PCCA: variants seen among roughly 807,000 people sequenced by gnomAD.
PCCA encodes the protein propionyl-CoA carboxylase subunit alpha.
A neutral mutation model predicts 101.3 loss-of-function variants in PCCA; 74 were observed. The ratio of observed to expected loss-of-function variants is 0.73; its 90% confidence interval spans 0.61 to 0.89. The LOEUF (loss-of-function observed/expected upper bound fraction) is 0.89. Ranked by LOEUF, PCCA falls within the 40% of genes least tolerant of loss-of-function variation. PCCA has a pLI of 0.00. For missense variants in PCCA, 891 were observed against 907.0 expected, an observed-to-expected ratio of 0.98 and a Z score of 0.23; for synonymous variants, 294 against 313.6, an observed-to-expected ratio of 0.94 and a Z score of 0.66.
intron 1 of PCCA, among the ~76,000 whole-genome samples, chr13:100,095,086 T>C (rs1166932698): frequency 6.6e-6 from 1 of 152,200 alleles, no homozygotes; most frequent in African/African-American, 2.4e-5. Flanking sequence ...TTTGAGCTTC[T>C]GGTGGCTGCA....
At chr13:100,268,868 T>C in intron 11 of PCCA, 85 bp downstream of exon 11, 1 of 968,730 alleles carries the variant, frequency 1.0e-6, no homozygotes, top group African/African-American at 1.6e-5. Flanking sequence ...CACTGACGCA[T>C]GCATTCAGAG....
rs2066054338 is a variant in PCCA, at chr13:100,301,514, A to T, written c.1120A>T (p.Ile374Phe). The T allele has an allele frequency of 6.2e-7, 1 of 1,614,062 alleles. No individual in the cohort carries two copies. The highest frequency in any genetic ancestry group is 1.7e-5 in the Admixed American group (1 of 60,024). The change falls in exon 13 of 24, where the codon ATC becomes TTC. Residue 374 changes from isoleucine to phenylalanine, a missense_variant. By Grantham distance (21) the Ile-to-Phe change is conservative (BLOSUM62 0). Transcript: ENST00000376285. ...ITGLDLVQEMIRVAKGYPLRH... is the reference protein window; with the variant it reads ...ITGLDLVQEMFRVAKGYPLRH... The stretch of plus-strand genomic sequence containing the variant: ...TGGCCTGGACCTAGTCCAGGAAATG[A>T]TCCGTGTTGCTAAGGGCTACCCTCT...
At chr13:100,287,502 C>T (rs2064772301) in intron 12 of PCCA, among the ~76,000 whole-genome samples, 1 of 151,732 alleles carries the variant, frequency 6.6e-6, no homozygotes, top group South Asian at 2.1e-4. Context: ...TTATGAAAAA[C>T]ATTTATATTT....
intron 1 of PCCA, among the ~76,000 whole-genome samples, chr13:100,091,039 G>A (rs2046237512): frequency 6.6e-6 from 1 of 152,194 alleles, no homozygotes; most frequent in African/African-American, 2.4e-5. Flanking sequence ...AAGGTCCTGT[G>A]GCCAGAGGGA....
At chr13:100,201,294 C>T (rs2058471773) in intron 6 of PCCA, among the ~76,000 whole-genome samples, 1 of 152,092 alleles carries the variant, frequency 6.6e-6, no homozygotes, top group Non-Finnish European at 1.5e-5. Context: ...TCCTGAAGCT[C>T]ATTCTCTAGT....
At chr13:100,385,176 A>C (rs1381668688) in intron 19 of PCCA, among the ~76,000 whole-genome samples, 1 of 152,206 alleles carries the variant, frequency 6.6e-6, no homozygotes, top group Non-Finnish European at 1.5e-5. Context: ...ATTAAAACAT[A>C]ATGCATAAAC....
intron 12 of PCCA, among the ~76,000 whole-genome samples, chr13:100,292,934 C>CGTATGTGTGTGT (rs1555408327): frequency 2.0e-5 from 3 of 147,584 alleles, no homozygotes; most frequent in Admixed American, 2.0e-4. Flanking sequence ...TTTCCAAATT[C>CGTATGTGTGTGT]GTGTGTGTGT....
intron 12 of PCCA, among the ~76,000 whole-genome samples, chr13:100,300,278 G>T (rs910119461): frequency 2.0e-5 from 3 of 152,156 alleles, no homozygotes; most frequent in Non-Finnish European, 4.4e-5. Flanking sequence ...TTAAAATGTT[G>T]TTGAAACTGT....
At chr13:100,356,833 G>A (rs1206862370) in intron 18 of PCCA, among the ~76,000 whole-genome samples, 3 of 152,160 alleles carry the variant, frequency 2.0e-5, no homozygotes, top group South Asian at 2.1e-4. Flanking sequence ...TGATGAATGA[G>A]TATATAATAG....
rs34598548 is a variant in PCCA, at chr13:100,209,559, T to TAC, written c.600+112_600+113dup. On this transcript the variant is annotated intron_variant, in intron 7 of 23. Transcript: ENST00000376285. ...ATGTAACTATTGCTTTTTTGGGATA[T>TAC]ACACACACACACACACATATGCACG... The TAC allele has an allele frequency of 0.26, 203,401 of 796,804 alleles. 13,363 individuals are homozygous for TAC. The highest frequency in any genetic ancestry group is 0.5 in the East Asian group (17,683 of 35,390). The allele number at this position is 796,804 out of a possible 1,614,324, so 49.4% of individuals were successfully genotyped here. A position where few individuals can be genotyped will look rare whatever the true frequency, so the allele number is the denominator to read the frequency against.
At chr13:100,173,316 G>A (rs1160963297) in intron 6 of PCCA, among the ~76,000 whole-genome samples, 3 of 152,152 alleles carry the variant, frequency 2.0e-5, no homozygotes, top group Admixed American at 6.5e-5. Flanking sequence ...TGGAGGACTC[G>A]CTTTTTACAT....
At chr13:100,249,461 A>G (rs1342327783) in intron 8 of PCCA, among the ~76,000 whole-genome samples, 1 of 152,162 alleles carries the variant, frequency 6.6e-6, no homozygotes, top group Non-Finnish European at 1.5e-5. Flanking sequence ...ACAATACCAT[A>G]CTGTCTTGAT....
intron 6 of PCCA, among the ~76,000 whole-genome samples, chr13:100,186,475 G>C (rs569706345): frequency 6.6e-6 from 1 of 152,186 alleles, no homozygotes; most frequent in East Asian, 1.9e-4. Flanking sequence ...GGGCGTGGTG[G>C]CTCATGCCTG....
chr13:100,314,702 G>C (rs2067191280), intron 16 of PCCA, among the ~76,000 whole-genome samples: 1 of 152,134 alleles, frequency 6.6e-6, no homozygotes, highest in South Asian at 2.1e-4. Context: ...CAAATTGAAA[G>C]ACAGTCTACA....
intron 21 of PCCA, among the ~76,000 whole-genome samples, chr13:100,468,225 C>G (rs76447124): frequency 0.046 from 6,986 of 152,236 alleles, 197 homozygotes; most frequent in South Asian, 0.11. Flanking sequence ...TTTGTTTTTG[C>G]GTCCTAGAGT....
intron 8 of PCCA, among the ~76,000 whole-genome samples, chr13:100,251,924 A>T (rs1280262731): frequency 1.3e-5 from 2 of 152,212 alleles, no homozygotes; most frequent in Non-Finnish European, 2.9e-5. Context: ...CAGAAATATC[A>T]TGGTCATGAA....
intron 6 of PCCA, among the ~76,000 whole-genome samples, chr13:100,181,741 CT>C (rs1163157425): frequency 4.3e-5 from 6 of 139,864 alleles, no homozygotes; most frequent in Non-Finnish European, 6.2e-5. Flanking sequence ...TACTAATATT[CT>C]TTTTTTTGTT....
chr13:100,230,883 T>A (rs2060429727), intron 7 of PCCA, among the ~76,000 whole-genome samples: 1 of 152,156 alleles, frequency 6.6e-6, no homozygotes, highest in Admixed American at 6.5e-5. Context: ...AAGCAGATGC[T>A]ATGCCAGAAT....
intron 6 of PCCA, among the ~76,000 whole-genome samples, chr13:100,188,415 G>A (rs1022960230): frequency 8.5e-5 from 13 of 152,314 alleles, no homozygotes; most frequent in Admixed American, 5.2e-4. Context: ...CTGAGTGGTC[G>A]TATTCCATGG....
Sources: allele counts gnomAD v4.1 joint callset (sites outside exome capture counted in the v4.1 genomes callset), GRCh38; gene constraint gnomAD v4.1.1; transcripts MANE v1.5; gene names NCBI Gene and HGNC (gene_info 2026-07-23, HGNC 2026-07-21).